LYRM1: variants seen among roughly 807,000 people sequenced by gnomAD.
LYRM1 encodes the protein LYR motif-containing protein 1.
A neutral mutation model predicts 14.9 loss-of-function variants in LYRM1; 14 were observed. The ratio of observed to expected loss-of-function variants is 0.94; its 90% confidence interval spans 0.62 to 1.47. LYRM1 has a LOEUF of 1.47. LYRM1 is among the 40% of genes most tolerant of loss of function. The pLI, the probability that LYRM1 is intolerant of heterozygous loss-of-function variation, is 0.00. For missense variants in LYRM1, 153 were observed against 149.9 expected (o/e 1.02, Z -0.11); for synonymous variants, 43 against 56.2 (o/e 0.77, Z 1.05).
In LYRM1 at chr16:20,915,640, C is replaced by G. The variant is rs1318335067; in HGVS notation, c.85C>G (p.Gln29Glu). The G allele has an allele frequency of 3.1e-6, 5 of 1,614,042 alleles. No individual in the cohort carries two copies. In the South Asian group the frequency reaches 4.4e-5, roughly 14 times the overall value. The change falls in exon 2 of 4, where the codon CAG (glutamine) becomes GAG (glutamate). Residue 29 changes from glutamine to glutamate, a missense_variant. Physicochemically the swap from Gln to Glu is conservative, Grantham distance 29 (BLOSUM62 2). Coordinates refer to ENST00000567954, the MANE Select transcript of LYRM1 (RefSeq NM_001128302.3). The part of the protein sequence containing the change: ...LARKWQATSG[Q>E]MEDTIKEKQY... ...GAGGAAATGGCAGGCGACATCAGGG[C>G]AGATGGAAGACACCATCAAAGAAAA...
chr16:20,915,326 GGC>G, intron 1 of LYRM1, among the ~76,000 whole-genome samples: 1 of 152,194 alleles, frequency 6.6e-6, no homozygotes, highest in African/African-American at 2.4e-5. Flanking sequence ...CAGGCGTGGT[GGC>G]GGGCGCCTGT....
At position 20,904,744 on chromosome 16, in the gene LYRM1, A is replaced by G. The variant is rs75743263; in HGVS notation, c.-1+3855A>G. Among the ~76,000 whole-genome samples, 620 of 143,788 alleles carry G rather than the reference A, an allele frequency of 4.3e-3. 35 individuals carry two copies. In the East Asian group the frequency reaches 0.12, roughly 28 times the overall value. The allele number at this position is 143,788 out of a possible 152,430, so 94.3% of individuals were successfully genotyped here. The stretch of plus-strand genomic sequence containing the variant: ...GTGTGTGTTTAATTGATAGGAGGAT[A>G]TGGGACCAGAAATGTATGGAGAACA... On this transcript the variant is annotated intron_variant, in intron 1 of 3. Transcript: ENST00000567954.
chr16:20,907,416 A>G (rs2082377784), intron 1 of LYRM1, among the ~76,000 whole-genome samples: 1 of 152,166 alleles, frequency 6.6e-6, no homozygotes, highest in African/African-American at 2.4e-5. Flanking sequence ...GCTTGAGTGC[A>G]GTGGCGTGAT....
At chr16:20,918,401 T>TA (rs1160238412) in intron 2 of LYRM1, among the ~76,000 whole-genome samples, 2 of 152,218 alleles carry the variant, frequency 1.3e-5, no homozygotes, top group Non-Finnish European at 2.9e-5. Flanking sequence ...CATGGGTTCT[T>TA]AATTTTAAGA....
intron 1 of LYRM1, among the ~76,000 whole-genome samples, chr16:20,907,329 C>G (rs2082372385): frequency 6.6e-6 from 1 of 152,174 alleles, no homozygotes; most frequent in Non-Finnish European, 1.5e-5. Flanking sequence ...TGGCCCCTTT[C>G]CCAAAGGCTC....
At chr16:20,903,107 A>G (rs754815503) in intron 1 of LYRM1, among the ~76,000 whole-genome samples, 1 of 152,220 alleles carries the variant, frequency 6.6e-6, no homozygotes, top group Non-Finnish European at 1.5e-5. Context: ...TTGAAGTTGC[A>G]TACTGACAAG....
At chr16:20,923,934 C>T in intron 3 of LYRM1, 66 bp from the exon 4 acceptor site, 2 of 854,412 alleles carry the variant, frequency 2.3e-6, no homozygotes, top group South Asian at 1.5e-5. Context: ...CTGAGTAGAT[C>T]CTCAGTGAAT....
At chr16:20,916,511 T>C (rs555214734) in intron 2 of LYRM1, among the ~76,000 whole-genome samples, 1 of 152,330 alleles carries the variant, frequency 6.6e-6, no homozygotes, top group East Asian at 1.9e-4. Flanking sequence ...ACTGTCTCTC[T>C]TCAGCCGTGT....
At chr16:20,905,055 T>G (rs780431643) in intron 1 of LYRM1, among the ~76,000 whole-genome samples, 1 of 152,146 alleles carries the variant, frequency 6.6e-6, no homozygotes, top group African/African-American at 2.4e-5. Flanking sequence ...TTATTAATGA[T>G]CAGAGGGAAA....
At chr16:20,914,475 G>C (rs979374434) in intron 1 of LYRM1, among the ~76,000 whole-genome samples, 1 of 82,338 alleles carries the variant, frequency 1.2e-5, no homozygotes, top group East Asian at 3.3e-4. Flanking sequence ...TTTTTTTTTT[G>C]TATTTTAGTA....
intron 1 of LYRM1, among the ~76,000 whole-genome samples, chr16:20,904,745 T>G (rs945261453): frequency 6.8e-6 from 1 of 147,368 alleles, no homozygotes; most frequent in Admixed American, 6.8e-5. Flanking sequence ...TAGGAGGATA[T>G]GGGACCAGAA....
At chr16:20,912,724 G>A (rs1037063412) in intron 1 of LYRM1, among the ~76,000 whole-genome samples, 1 of 151,972 alleles carries the variant, frequency 6.6e-6, no homozygotes, top group Non-Finnish European at 1.5e-5. Context: ...TCTTATGAAT[G>A]TTATGGGCAA....
In LYRM1 at chr16:20,901,491, T is replaced by A. The variant is rs1330087076; in HGVS notation, c.-1+602T>A. Among the ~76,000 whole-genome samples, 1 of 152,002 alleles carries A rather than the reference T, an allele frequency of 6.6e-6. No individual in the cohort carries two copies. Among genetic ancestry groups the A allele is most frequent in the Non-Finnish European group, 1.5e-5 (1 of 67,976 alleles). ...AGGTCGTTCAAAGGAGGCCACGGTT[T>A]TGCGGGGATCCGAGACAATGGGTTT... On this transcript the variant is annotated intron_variant, in intron 1 of 3. Transcript: ENST00000567954. This position sits in a 1 kb window ranked among gnomAD's most constrained non-coding sequence, Gnocchi z 4.6.
intron 3 of LYRM1, among the ~76,000 whole-genome samples, chr16:20,923,517 AG>A (rs1437088156): frequency 2.8e-4 from 42 of 150,628 alleles, no homozygotes; most frequent in African/African-American, 7.5e-4. Flanking sequence ...AAAAAAAGAA[AG>A]AAAGAAAAAT....
intron 1 of LYRM1, among the ~76,000 whole-genome samples, chr16:20,904,024 G>GC (rs1020263640): frequency 2.6e-5 from 4 of 151,754 alleles, no homozygotes; most frequent in South Asian, 2.1e-4. Context: ...TTCAATTCCA[G>GC]CCCCCCCACC....
At chr16:20,922,552 C>T (rs1032318042) in intron 3 of LYRM1, among the ~76,000 whole-genome samples, 6 of 152,010 alleles carry the variant, frequency 3.9e-5, no homozygotes, top group Admixed American at 3.3e-4. Context: ...TGCAGTGGCA[C>T]GATCTCGGCT....
intron 1 of LYRM1, chr16:20,911,062 A>G (rs2082568599): frequency 6.6e-6 from 1 of 152,228 alleles, no homozygotes. Flanking sequence ...ACAATAAGCC[A>G]CAAAGCATGA....
At chr16:20,911,982 G>A (rs907464345) in intron 1 of LYRM1, among the ~76,000 whole-genome samples, 28 of 151,976 alleles carry the variant, frequency 1.8e-4, no homozygotes, top group African/African-American at 6.3e-4. Context: ...GAGTGCAGGG[G>A]CTCAGTCTTG....
intron 1 of LYRM1, among the ~76,000 whole-genome samples, chr16:20,913,228 C>T (rs1042854547): frequency 2.0e-5 from 3 of 151,270 alleles, no homozygotes; most frequent in Middle Eastern, 3.2e-3. Context: ...GGAAGGGGTA[C>T]AGTGGGGGTT....
Sources: allele counts gnomAD v4.1 joint callset (sites outside exome capture counted in the v4.1 genomes callset), GRCh38; gene constraint gnomAD v4.1.1; non-coding constraint Gnocchi (gnomAD v3.1); transcripts MANE v1.5; gene names NCBI Gene and HGNC (gene_info 2026-07-23, HGNC 2026-07-21).